Variants in SCRN3 observed in about 807,000 individuals in gnomAD.
SCRN3 encodes the protein secernin-3.
In SCRN3, 39 loss-of-function variants were observed where a neutral mutation model predicts 43.1. The observed-to-expected ratio is 0.91, with a 90% confidence interval of 0.70 to 1.18. The LOEUF is 1.18. SCRN3 is among the 50% of genes most tolerant of loss of function. The probability of loss-of-function intolerance (pLI) is 0.00; values close to 1 mark genes in which losing one functional copy is unlikely to be tolerated. For missense variants in SCRN3, 484 were observed against 498.0 expected (o/e 0.97, Z 0.27); for synonymous variants, 147 against 163.1 (o/e 0.90, Z 0.75).
chr2:174,429,935 C>A (rs933788910), downstream of SCRN3, among the ~76,000 whole-genome samples: 1 of 152,154 alleles, frequency 6.6e-6, no homozygotes, highest in African/African-American at 2.4e-5. Flanking sequence ...AAGGTTCCTG[C>A]ATGTCTTTTC....
chr2:174,411,963 G>C (rs993370653), intron 5 of SCRN3, among the ~76,000 whole-genome samples: 1 of 152,120 alleles, frequency 6.6e-6, no homozygotes, highest in African/African-American at 2.4e-5. Context: ...TTAGAGTATA[G>C]TTCATTAACA....
Position 174,427,946 on chromosome 2 carries a change from C to A in SCRN3, c.*51C>A. 8.1e-7 allele frequency: 1 copy of A among 1,228,384 alleles called. No homozygotes were observed. The highest frequency in any genetic ancestry group is 1.2e-6 in the Non-Finnish European group (1 of 861,598). 76.1% of individuals were successfully genotyped at this position (1,228,384 alleles called of 1,614,324 possible). ...TTCTTAGTGATCAGTGGTCAGTAAT[C>A]TTCAAAGTCAGAATCTATCACCTTG... On this transcript the variant is annotated 3_prime_UTR_variant, in exon 8 of 8. Coordinates refer to ENST00000272732, the MANE Select transcript of SCRN3 (RefSeq NM_024583.5).
At chr2:174,404,398 G>A in intron 5 of SCRN3, 83 bp downstream of exon 5, 7 of 868,216 alleles carry the variant, frequency 8.1e-6, no homozygotes, top group East Asian at 2.8e-5. Flanking sequence ...ATCTGTTTTG[G>A]GGAATTATAA....
intron 5 of SCRN3, among the ~76,000 whole-genome samples, chr2:174,422,646 AT>A (rs35384791): frequency 0.19 from 29,450 of 151,082 alleles, 3,356 homozygotes; most frequent in Middle Eastern, 0.38. Flanking sequence ...TTTTCTAGGG[AT>A]TTTTTTACCT....
chr2:174,397,322 G>A (rs1685359702), intron 1 of SCRN3: 1 of 985,028 alleles, frequency 1.0e-6, no homozygotes, highest in Non-Finnish European at 1.2e-6. Flanking sequence ...AAAACAATGT[G>A]TCTGTTCTGG....
At position 174,401,000 on chromosome 2, in the gene SCRN3, G is replaced by C; in HGVS notation, c.352G>C (p.Glu118Gln). ...ATATTTTTGTTTTAGACTTGGCCTT[G>C]AAAGAGCTGATACAGCTGAAAAAGC... Reference protein sequence around the residue: ...LGMDLVRLGLERADTAEKALN... With the variant: ...LGMDLVRLGLQRADTAEKALN... The change falls in exon 4 of 8, where the codon GAA becomes CAA. Residue 118 changes from glutamate (E) to glutamine (Q), a missense_variant. Physicochemically the swap from Glu to Gln is conservative, Grantham distance 29 (BLOSUM62 2). Coordinates refer to ENST00000272732, the MANE Select transcript of SCRN3 (RefSeq NM_024583.5). The C allele has an allele frequency of 6.2e-7, 1 of 1,609,950 alleles. No homozygotes were observed. Among genetic ancestry groups the C allele is most frequent in the African/African-American group, 1.3e-5 (1 of 74,906 alleles).
At chr2:174,419,717 TAA>T (rs59608020) in intron 5 of SCRN3, among the ~76,000 whole-genome samples, 1 of 152,152 alleles carries the variant, frequency 6.6e-6, no homozygotes, top group African/African-American at 2.4e-5. Context: ...TGTTGTTTTT[TAA>T]ACTGTACTTG....
At chr2:174,400,236 T>C (rs1243141635) in intron 3 of SCRN3, 133 bp downstream of exon 3, 5 of 596,054 alleles carry the variant, frequency 8.4e-6, no homozygotes, top group Non-Finnish European at 1.4e-5. Flanking sequence ...TGGTTTAAAG[T>C]ACCGGCATGC....
intron 1 of SCRN3, chr2:174,397,199 C>T: frequency 1.0e-6 from 1 of 974,298 alleles, no homozygotes; most frequent in Non-Finnish European, 1.2e-6. Flanking sequence ...ATTTTCTTTT[C>T]TTTTTAAGGA....
intron 1 of SCRN3, chr2:174,396,240 G>T (rs991803905): frequency 1.0e-6 from 1 of 968,416 alleles, no homozygotes; most frequent in Non-Finnish European, 1.2e-6. Context: ...CGGTACTGGC[G>T]CCGAAAGACG....
intron 5 of SCRN3, among the ~76,000 whole-genome samples, chr2:174,413,965 G>A (rs1416943987): frequency 6.6e-6 from 1 of 152,092 alleles, no homozygotes; most frequent in Non-Finnish European, 1.5e-5. Context: ...TTCTATTGCT[G>A]TCTGCATAGA....
At chr2:174,419,256 A>T (rs1044146408) in intron 5 of SCRN3, among the ~76,000 whole-genome samples, 2 of 152,118 alleles carry the variant, frequency 1.3e-5, no homozygotes, top group African/African-American at 4.8e-5. Context: ...GAGGAAGGAG[A>T]TACCTGTGTT....
At chr2:174,409,410 T>TC (rs1382793229) in intron 5 of SCRN3, among the ~76,000 whole-genome samples, 1 of 147,590 alleles carries the variant, frequency 6.8e-6, no homozygotes, top group Admixed American at 6.8e-5. Flanking sequence ...TTGAATGTCC[T>TC]CCCGTAGCTC....
chr2:174,397,560 A>G lies in SCRN3; in HGVS notation c.-9-715A>G, dbSNP rs76720712. On this transcript the variant is annotated intron_variant, in intron 1 of 7. Transcript: ENST00000272732. ...CAGTCTCATCAGAATTATAATGTGT[A>G]TTATTTCCCAGCTCAAATAAGACCC... 9.8e-5 allele frequency among the ~76,000 whole-genome samples: 15 copies of G among 152,352 alleles called. No individual in the cohort carries two copies. The East Asian group carries it at 2.9e-3, about 29-fold the overall frequency.
chr2:174,414,590 T>C (rs1352906775), intron 5 of SCRN3, among the ~76,000 whole-genome samples: 1 of 152,136 alleles, frequency 6.6e-6, no homozygotes, highest in Non-Finnish European at 1.5e-5. Flanking sequence ...ATTATTTTGT[T>C]ATTCCCTTAT....
chr2:174,413,162 A>G (rs4972660), intron 5 of SCRN3, among the ~76,000 whole-genome samples: 112,501 of 151,748 alleles, frequency 0.74, 42,895 homozygotes, highest in Middle Eastern at 0.84. Flanking sequence ...ATGAGCCACC[A>G]CACCCGGCCG....
intron 5 of SCRN3, among the ~76,000 whole-genome samples, chr2:174,413,586 C>CTTTTTTTTTTTTTTTTTTTTTTT (rs10524979): frequency 2.2e-5 from 2 of 90,220 alleles, no homozygotes; most frequent in African/African-American, 3.7e-5. Context: ...TTTGTCTTTC[C>CTTTTTTTTTTTTTTTTTTTTTTT]TTTTTTTTTT....
Position 174,416,642 on chromosome 2 carries a change from G to T in SCRN3, c.755-6243G>T, listed in dbSNP as rs145838222. On this transcript the variant is annotated intron_variant, in intron 5 of 7. Transcript: ENST00000272732. ...GGGTAGGAGTAGTCTTAGGAGGTGG[G>T]CACTCCTATCTACTTGAAAGTCAAG... Among the ~76,000 whole-genome samples the T allele has an allele frequency of 1.4e-4, 22 of 152,212 alleles. 1 individual carries two copies. The East Asian group carries it at 4.2e-3, about 29-fold the overall frequency.
intron 5 of SCRN3, among the ~76,000 whole-genome samples, chr2:174,417,787 G>GA (rs1355179815): frequency 6.6e-6 from 1 of 152,060 alleles, no homozygotes; most frequent in Non-Finnish European, 1.5e-5. Context: ...CTATGAAACT[G>GA]AAAAAAATGG....
Sources: allele counts gnomAD v4.1 joint callset (sites outside exome capture counted in the v4.1 genomes callset), GRCh38; gene constraint gnomAD v4.1.1; transcripts MANE v1.5; gene names NCBI Gene and HGNC (gene_info 2026-07-23, HGNC 2026-07-21).